Variants in METTL16 observed in about 807,000 individuals in gnomAD.
The protein encoded by METTL16 is methyltransferase 16, RNA N6-adenosine, also known as RNA N(6)-adenosine-methyltransferase METTL16.
METTL16 carries 19 observed loss-of-function variants against 57.9 expected under a neutral mutation model. That is an observed-to-expected ratio of 0.33 (90% CI 0.23 to 0.48). The LOEUF (loss-of-function observed/expected upper bound fraction) is 0.48. Ranked by LOEUF, METTL16 falls within the 20% of genes least tolerant of loss-of-function variation. The probability of loss-of-function intolerance (pLI) is 0.99; values close to 1 mark genes in which losing one functional copy is unlikely to be tolerated. For missense variants in METTL16, 434 were observed against 691.5 expected (o/e 0.63, Z 4.18); for synonymous variants, 246 against 255.6 (o/e 0.96, Z 0.36).
At chr17:2,426,699 A>G (rs1199419772) in intron 8 of METTL16, among the ~76,000 whole-genome samples, 2 of 132,042 alleles carry the variant, frequency 1.5e-5, no homozygotes, top group African/African-American at 5.4e-5. Flanking sequence ...ACTGGACTCC[A>G]ACCTGGGTGA....
chr17:2,440,001 A>C (rs1451476080), intron 7 of METTL16, among the ~76,000 whole-genome samples: 1 of 152,162 alleles, frequency 6.6e-6, no homozygotes, highest in Non-Finnish European at 1.5e-5. Flanking sequence ...AGCCTGGGCA[A>C]TACAGCAAGA....
intron 1 of METTL16, among the ~76,000 whole-genome samples, chr17:2,505,656 G>A (rs769824714): frequency 4.6e-5 from 7 of 151,850 alleles, no homozygotes; most frequent in Non-Finnish European, 7.4e-5. Context: ...GCTCCCAAAT[G>A]GCTGAGACTA....
At chr17:2,470,279 ATCACCAAGAGAAAG>A (rs2067227126) in intron 4 of METTL16, among the ~76,000 whole-genome samples, 1 of 151,360 alleles carries the variant, frequency 6.6e-6, no homozygotes, top group East Asian at 1.9e-4. Flanking sequence ...AAACAGCAAA[ATCACCAAGAGAAAG>A]CACAAAAATG....
intron 7 of METTL16, among the ~76,000 whole-genome samples, chr17:2,439,875 T>C (rs1358782708): frequency 6.6e-6 from 1 of 152,172 alleles, no homozygotes; most frequent in African/African-American, 2.4e-5. Flanking sequence ...AAGAAAATTC[T>C]ATACTCAAAA....
chr17:2,421,888 G>A (rs180816518), intron 8 of METTL16, among the ~76,000 whole-genome samples: 41 of 152,258 alleles, frequency 2.7e-4, no homozygotes, highest in Non-Finnish European at 5.0e-4. Flanking sequence ...GGGTGACACC[G>A]GCGCTGATGA....
In METTL16 at chr17:2,451,434, C is replaced by T. The variant is rs565347940; in HGVS notation, c.729-9875G>A. On this transcript the variant is annotated intron_variant, in intron 6 of 9. Transcript: ENST00000263092. ...AGGAGTTCGGGACCAGCCTGGCCAA[C>T]ATGGGAAACCCTGTCTCTATTAAAA... Among the ~76,000 whole-genome samples the T allele has an allele frequency of 1.6e-4, 24 of 152,098 alleles. No homozygotes were observed. The South Asian group carries it at 4.8e-3, about 30-fold the overall frequency.
At chr17:2,478,151 C>A (rs951100657) in intron 2 of METTL16, among the ~76,000 whole-genome samples, 1 of 152,206 alleles carries the variant, frequency 6.6e-6, no homozygotes, top group Admixed American at 6.5e-5. Flanking sequence ...ATTCCTGTCT[C>A]GTCGTCTCCT....
chr17:2,443,386 A>G (rs932487117), intron 6 of METTL16, among the ~76,000 whole-genome samples: 1 of 152,196 alleles, frequency 6.6e-6, no homozygotes, highest in African/African-American at 2.4e-5. Context: ...TAAGGAAGAA[A>G]TAATATTAAT....
At chr17:2,429,949 TACAGGC>T (rs766883525) in intron 8 of METTL16, among the ~76,000 whole-genome samples, 3 of 151,756 alleles carry the variant, frequency 2.0e-5, no homozygotes, top group Non-Finnish European at 4.4e-5. Flanking sequence ...TAGCTGGGAT[TACAGGC>T]GCCCGCCACC....
At chr17:2,491,816 A>C (rs564859607) in intron 2 of METTL16, among the ~76,000 whole-genome samples, 17 of 144,228 alleles carry the variant, frequency 1.2e-4, no homozygotes, top group African/African-American at 3.5e-4. Flanking sequence ...CAGAGCTTGC[A>C]GTGAGCCGAG....
At chr17:2,429,770 A>T (rs2066855812) in intron 8 of METTL16, among the ~76,000 whole-genome samples, 1 of 151,988 alleles carries the variant, frequency 6.6e-6, no homozygotes, top group Non-Finnish European at 1.5e-5. Context: ...CCCAATCAAA[A>T]AAAAAGAACA....
intron 8 of METTL16, among the ~76,000 whole-genome samples, chr17:2,430,569 C>A (rs1016531659): frequency 3.5e-5 from 5 of 141,756 alleles, no homozygotes; most frequent in Non-Finnish European, 7.8e-5. Flanking sequence ...GCGCCCACCA[C>A]CACGCCGGGC....
chr17:2,493,918 T>C (rs1309794445), intron 2 of METTL16, among the ~76,000 whole-genome samples: 3 of 152,106 alleles, frequency 2.0e-5, no homozygotes, highest in Admixed American at 2.0e-4. Flanking sequence ...CACATTGCTC[T>C]CATCTCTAAA....
intron 2 of METTL16, among the ~76,000 whole-genome samples, chr17:2,497,473 C>T (rs926536504): frequency 2.6e-5 from 4 of 150,968 alleles, no homozygotes; most frequent in African/African-American, 7.4e-5. Flanking sequence ...CCACCACGCC[C>T]GGCTCATTTT....
intron 4 of METTL16, among the ~76,000 whole-genome samples, chr17:2,469,797 A>T (rs1419411473): frequency 6.6e-6 from 1 of 152,226 alleles, no homozygotes; most frequent in Non-Finnish European, 1.5e-5. Flanking sequence ...CTGGGATTAC[A>T]GGTGTGAGCC....
intron 6 of METTL16, among the ~76,000 whole-genome samples, chr17:2,462,046 C>T (rs1041710044): frequency 3.9e-5 from 6 of 152,172 alleles, no homozygotes; most frequent in Admixed American, 3.9e-4. Context: ...TATATACCCA[C>T]ATTCACACAG....
At chr17:2,507,261 C>T (rs1440393965) in intron 1 of METTL16, among the ~76,000 whole-genome samples, 24 of 148,238 alleles carry the variant, frequency 1.6e-4, no homozygotes, top group Non-Finnish European at 2.4e-4. Context: ...CGCCTCTGCC[C>T]GGCCGCCTCT....
chr17:2,510,997 G>T (rs1161028735), intron 1 of METTL16, among the ~76,000 whole-genome samples: 1 of 151,768 alleles, frequency 6.6e-6, no homozygotes, highest in East Asian at 1.9e-4. Flanking sequence ...CTTGTTCACC[G>T]CATATCCCAA....
chr17:2,471,258 G>A (rs1161796185), intron 4 of METTL16, among the ~76,000 whole-genome samples: 2 of 152,036 alleles, frequency 1.3e-5, no homozygotes, highest in East Asian at 3.9e-4. Context: ...TGCAACCTCC[G>A]CCTCCCAGGT....
Sources: gnomAD v4.1 joint callset for allele counts (sites outside exome capture counted in the v4.1 genomes callset) on GRCh38, gnomAD v4.1.1 for gene constraint, MANE v1.5 for transcripts, NCBI Gene and HGNC (gene_info 2026-07-23, HGNC 2026-07-21) for gene names.